Variants in TYW1 observed in about 807,000 individuals in gnomAD.
TYW1 encodes the protein S-adenosyl-L-methionine-dependent tRNA 4-demethylwyosine synthase TYW1.
A neutral mutation model predicts 96.2 loss-of-function variants in TYW1; 46 were observed. That is an observed-to-expected ratio of 0.48 (90% CI 0.38 to 0.61). The LOEUF is 0.61. TYW1 is among the 20% of genes least tolerant of loss of function. The pLI is 0.00. For missense variants in TYW1, 684 were observed against 909.6 expected (o/e 0.75, Z 3.19); for synonymous variants, 274 against 323.0 (o/e 0.85, Z 1.63).
intron 10 of TYW1, among the ~76,000 whole-genome samples, chr7:67,076,148 A>G (rs912590048): frequency 2.6e-5 from 4 of 152,096 alleles, no homozygotes; most frequent in African/African-American, 4.8e-5. Context: ...CCTCTTTTGA[A>G]AAGTTCTAAG....
rs1350424403 is a variant in TYW1, at chr7:67,034,053, C to G, written c.984+9031C>G. On this transcript the variant is annotated intron_variant, in intron 7 of 15. Transcript: ENST00000359626. ...CAGATATGTCTTTGAAAATTTTTAA[C>G]TTGATCTGATCTTCTCTTTGTAGTT... 2.0e-5 allele frequency among the ~76,000 whole-genome samples: 3 copies of G among 151,258 alleles called. No individual in the cohort carries two copies. In the East Asian group the frequency reaches 5.8e-4, roughly 29 times the overall value.
At chr7:67,203,230 C>T (rs897684955) in intron 15 of TYW1, among the ~76,000 whole-genome samples, 1 of 152,224 alleles carries the variant, frequency 6.6e-6, no homozygotes, top group Non-Finnish European at 1.5e-5. Flanking sequence ...TTTACTCTAT[C>T]TGACGATAAT....
At chr7:67,019,299 C>T (rs1442226032) in intron 6 of TYW1, among the ~76,000 whole-genome samples, 2 of 152,240 alleles carry the variant, frequency 1.3e-5, no homozygotes, top group African/African-American at 4.8e-5. Flanking sequence ...CCCCCAGCTC[C>T]CATCTCCTGC....
intron 14 of TYW1, among the ~76,000 whole-genome samples, chr7:67,190,691 G>A (rs548825763): frequency 1.5e-3 from 235 of 152,326 alleles, no homozygotes; most frequent in Non-Finnish European, 2.1e-3. Context: ...GGAAGGCCTC[G>A]TGCCGTGGTG....
At chr7:67,167,539 T>G (rs1025955652) in intron 13 of TYW1, among the ~76,000 whole-genome samples, 16 of 149,856 alleles carry the variant, frequency 1.1e-4, no homozygotes, top group Non-Finnish European at 1.6e-4. Flanking sequence ...CTAGACATTG[T>G]GTTGTTTTTC....
intron 6 of TYW1, among the ~76,000 whole-genome samples, chr7:67,023,317 G>A (rs1794340854): frequency 6.6e-6 from 1 of 151,994 alleles, no homozygotes; most frequent in Admixed American, 6.6e-5. Context: ...GGCTTGTCTC[G>A]AACTCTTGAC....
chr7:67,082,318 G>C (rs868116606), intron 10 of TYW1, among the ~76,000 whole-genome samples: 4 of 152,112 alleles, frequency 2.6e-5, no homozygotes, highest in Admixed American at 1.3e-4. Flanking sequence ...TTGGTTGAGT[G>C]GGGTGCTTTG....
chr7:67,151,153 C>T (rs568875064), intron 13 of TYW1, among the ~76,000 whole-genome samples: 18 of 151,920 alleles, frequency 1.2e-4, no homozygotes, highest in Middle Eastern at 3.4e-3. Context: ...CGGGTTCAAG[C>T]GATTCTCCTG....
intron 13 of TYW1, among the ~76,000 whole-genome samples, chr7:67,174,823 A>G (rs574505433): frequency 6.6e-6 from 1 of 152,200 alleles, no homozygotes; most frequent in African/African-American, 2.4e-5. Flanking sequence ...AGAAATGAAA[A>G]TGAAACATCA....
At chr7:67,226,836 T>C (rs180700925) in intron 15 of TYW1, among the ~76,000 whole-genome samples, 16 of 152,250 alleles carry the variant, frequency 1.1e-4, no homozygotes, top group African/African-American at 3.9e-4. Context: ...ACCCCTGGAC[T>C]TCCTCTACTC....
At chr7:67,229,185 G>A (rs1226480145) in intron 15 of TYW1, among the ~76,000 whole-genome samples, 4 of 152,146 alleles carry the variant, frequency 2.6e-5, no homozygotes, top group Non-Finnish European at 5.9e-5. Context: ...CAGATAGTAG[G>A]CTTTTCAGTG....
At chr7:67,005,334 G>A (rs922385769) in intron 3 of TYW1, among the ~76,000 whole-genome samples, 3 of 152,078 alleles carry the variant, frequency 2.0e-5, no homozygotes, top group Non-Finnish European at 4.4e-5. Flanking sequence ...AGTGGCTCAC[G>A]CCTATAATCC....
At chr7:67,138,856 T>A (rs1006330199) in intron 13 of TYW1, among the ~76,000 whole-genome samples, 1 of 151,822 alleles carries the variant, frequency 6.6e-6, no homozygotes, top group African/African-American at 2.4e-5. Context: ...AAATACCACA[T>A]TTTCTTTATC....
At chr7:67,061,810 T>C (rs1795702790) in intron 9 of TYW1, among the ~76,000 whole-genome samples, 1 of 152,246 alleles carries the variant, frequency 6.6e-6, no homozygotes, top group South Asian at 2.1e-4. Flanking sequence ...AAGTATGCTT[T>C]ACCAAATTGT....
At chr7:67,153,721 T>C (rs768347020) in intron 13 of TYW1, among the ~76,000 whole-genome samples, 1 of 152,224 alleles carries the variant, frequency 6.6e-6, no homozygotes, top group Non-Finnish European at 1.5e-5. Flanking sequence ...CCATCTTTAT[T>C]GACATGTTTA....
rs545210895 is a variant in TYW1, at chr7:67,033,756, C to T, written c.984+8734C>T. 1.1e-4 allele frequency among the ~76,000 whole-genome samples: 16 copies of T among 148,762 alleles called. No individual in the cohort carries two copies. In the South Asian group the frequency reaches 1.7e-3, roughly 16 times the overall value. On this transcript the variant is annotated intron_variant, in intron 7 of 15. Coordinates refer to ENST00000359626, the MANE Select transcript of TYW1 (RefSeq NM_018264.4). The stretch of plus-strand genomic sequence containing the variant: ...TGTTGCCAAGGCTGGAGTGCAGTGG[C>T]GTGATCTTGGCTCAGTACAACCTCT...
intron 4 of TYW1, among the ~76,000 whole-genome samples, chr7:67,013,498 C>G (rs1224404318): frequency 3.9e-5 from 6 of 152,158 alleles, no homozygotes; most frequent in Non-Finnish European, 5.9e-5. Flanking sequence ...ACATGGTTCC[C>G]CTATTCCTTG....
intron 13 of TYW1, among the ~76,000 whole-genome samples, chr7:67,151,506 A>G (rs975181454): frequency 5.9e-5 from 9 of 152,004 alleles, no homozygotes; most frequent in African/African-American, 2.2e-4. Context: ...CTTTTTCCTA[A>G]TGTCTCCTTT....
At chr7:67,004,447 A>G (rs1473702720) in intron 3 of TYW1, among the ~76,000 whole-genome samples, 1 of 152,022 alleles carries the variant, frequency 6.6e-6, no homozygotes, top group Non-Finnish European at 1.5e-5. Context: ...CTCTCTTGCT[A>G]TGTGATCTTT....
Sources: gnomAD v4.1 joint callset for allele counts (sites outside exome capture counted in the v4.1 genomes callset) on GRCh38, gnomAD v4.1.1 for gene constraint, MANE v1.5 for transcripts, NCBI Gene and HGNC (gene_info 2026-07-23, HGNC 2026-07-21) for gene names.